The following ITSN2 variants were observed in gnomAD, a reference collection of about 807,000 sequenced individuals.
The protein encoded by ITSN2 is intersectin 2.
Under a neutral mutation model 243.7 loss-of-function variants are expected in ITSN2, and 156 were observed. The ratio of observed to expected loss-of-function variants is 0.64; its 90% CI spans 0.56 to 0.73. The LOEUF (loss-of-function observed/expected upper bound fraction) is 0.73, where lower values mean the gene tolerates loss of function less well. Among genes scored for constraint, ITSN2 ranks in the 30% least tolerant of loss-of-function variants. ITSN2 has a pLI of 0.00. For missense variants in ITSN2, 1,801 were observed against 1,996.1 expected (o/e 0.90, Z 1.86); for synonymous variants, 703 against 699.9 (o/e 1.00, Z -0.07).
At position 24,204,396 on chromosome 2, in the gene ITSN2, T is replaced by C; in HGVS notation, c.4785A>G (p.Glu1595=). 3 of 1,614,014 alleles carry C rather than the reference T, an allele frequency of 1.9e-6. No individual in the cohort carries two copies. The highest frequency in any genetic ancestry group is 2.5e-6 in the Non-Finnish European group (3 of 1,179,966). ...KPNGKSNPYC[E]ISMGSQSYTT... Reference sequence around the variant, plus strand: ...TGTAGCTCTGGGAGCCCATGCTGATTTCACAGTATGGGTTGCTCTTTCCTG... The same window carrying C: ...TGTAGCTCTGGGAGCCCATGCTGATCTCACAGTATGGGTTGCTCTTTCCTG... The change falls in exon 39 of 40, where the codon GAA becomes GAG. Residue 1595 remains glutamate, a synonymous_variant. Coordinates refer to ENST00000355123, the MANE Select transcript of ITSN2 (RefSeq NM_006277.3). This position sits in a 1 kb window ranked among gnomAD's most constrained non-coding sequence, Gnocchi z 5.1.
intron 1 of ITSN2, chr2:24,334,537 G>A: frequency 3.5e-6 from 3 of 848,954 alleles, no homozygotes; most frequent in Non-Finnish European, 5.9e-6. Flanking sequence ...AAAACCCGCA[G>A]GACTTTCTGT....
intron 14 of ITSN2, among the ~76,000 whole-genome samples, chr2:24,294,758 T>C (rs138944618): frequency 2.6e-5 from 4 of 152,314 alleles, no homozygotes; most frequent in East Asian, 3.9e-4. Context: ...ATGTATGATA[T>C]GGTCTGAATG....
At chr2:24,286,486 G>C in intron 15 of ITSN2, 135 bp from the exon 16 acceptor site, 2 of 621,130 alleles carry the variant, frequency 3.2e-6, no homozygotes, top group East Asian at 3.0e-5. Flanking sequence ...ACCAGTACAA[G>C]AGAAAACATT....
intron 29 of ITSN2, among the ~76,000 whole-genome samples, chr2:24,229,221 T>A (rs888586090): frequency 6.6e-6 from 1 of 152,206 alleles, no homozygotes; most frequent in Non-Finnish European, 1.5e-5. Context: ...TTAATGAGAA[T>A]ATGAAAGATT....
intron 31 of ITSN2, among the ~76,000 whole-genome samples, chr2:24,216,740 G>C (rs962863904): frequency 2.6e-5 from 4 of 152,158 alleles, no homozygotes; most frequent in African/African-American, 9.6e-5. Context: ...TTGGGTGACA[G>C]AGTGAGACCT....
At chr2:24,262,131 T>C (rs1341994419) in intron 20 of ITSN2, among the ~76,000 whole-genome samples, 1 of 152,196 alleles carries the variant, frequency 6.6e-6, no homozygotes, top group Non-Finnish European at 1.5e-5. Context: ...CTTGAATTTT[T>C]TCAATTTTAG....
At position 24,301,228 on chromosome 2, in the gene ITSN2, T is replaced by C; in HGVS notation, c.1007A>G (p.Gln336Arg). The C allele has an allele frequency of 6.2e-7, 1 of 1,605,714 alleles. No homozygotes were observed. The highest frequency in any genetic ancestry group is 8.5e-7 in the Non-Finnish European group (1 of 1,174,712). The change falls in exon 11 of 40, where the codon CAA becomes CGA. Residue 336 changes from glutamine to arginine, a missense_variant. Around this residue, in one of 5 missense-constraint regions of ITSN2, gnomAD observed 787 missense variants for 803.9 expected, o/e 0.98. Coordinates refer to ENST00000355123, the MANE Select transcript of ITSN2 (RefSeq NM_006277.3). Reference sequence around the variant, plus strand: ...CAGAGTTCCATTAATGGAATCAATTTGCTTTCCTCCTCTAAAAAAATCAAA... The same window carrying C: ...CAGAGTTCCATTAATGGAATCAATTCGCTTTCCTCCTCTAAAAAAATCAAA... Reference protein sequence around the residue: ...LVPPSFRGGKQIDSINGTLPS... With the variant: ...LVPPSFRGGKRIDSINGTLPS...
At chr2:24,220,287 A>G (rs1670321337) in intron 30 of ITSN2, 5 of 980,916 alleles carry the variant, frequency 5.1e-6, no homozygotes, top group Non-Finnish European at 6.1e-6. Context: ...GGGCCTGTAC[A>G]CTGGGAACTG....
At chr2:24,226,962 A>G (rs930726147) in intron 29 of ITSN2, among the ~76,000 whole-genome samples, 1 of 152,118 alleles carries the variant, frequency 6.6e-6, no homozygotes, top group African/African-American at 2.4e-5. Flanking sequence ...TTAAAAATAC[A>G]AAAATTAGCC....
intron 2 of ITSN2, among the ~76,000 whole-genome samples, chr2:24,323,857 T>C (rs1453436156): frequency 6.6e-6 from 1 of 152,204 alleles, no homozygotes; most frequent in African/African-American, 2.4e-5. Flanking sequence ...CAAATCTTTC[T>C]CAGGGAATAG....
intron 1 of ITSN2, among the ~76,000 whole-genome samples, chr2:24,357,959 G>A (rs1207204016): frequency 6.6e-6 from 1 of 151,914 alleles, no homozygotes; most frequent in African/African-American, 2.4e-5. Flanking sequence ...CTGTCGCCTA[G>A]GCTGGAGTGC....
intron 13 of ITSN2, among the ~76,000 whole-genome samples, chr2:24,297,869 T>C (rs576140030): frequency 6.6e-6 from 1 of 152,378 alleles, no homozygotes; most frequent in Admixed American, 6.5e-5. Flanking sequence ...TCTCAGCATT[T>C]TGAGTCATTA....
chr2:24,356,857 C>T (rs778966326), intron 1 of ITSN2, among the ~76,000 whole-genome samples: 1 of 151,292 alleles, frequency 6.6e-6, no homozygotes, highest in Non-Finnish European at 1.5e-5. Flanking sequence ...GAGTTGGGAT[C>T]GCGCCATTGC....
chr2:24,272,196 T>TC (rs1386892073), intron 18 of ITSN2, among the ~76,000 whole-genome samples: 1 of 151,592 alleles, frequency 6.6e-6, no homozygotes, highest in African/African-American at 2.4e-5. Context: ...ACCCAAAAAT[T>TC]CCCTCCTGCT....
At chr2:24,351,523 T>C (rs533158113) in intron 1 of ITSN2, among the ~76,000 whole-genome samples, 18 of 152,358 alleles carry the variant, frequency 1.2e-4, no homozygotes, top group African/African-American at 4.1e-4. Flanking sequence ...GTGGATACAG[T>C]AGACCCCCTT....
At chr2:24,316,050 C>A (rs1201123144) in intron 2 of ITSN2, among the ~76,000 whole-genome samples, 1 of 151,948 alleles carries the variant, frequency 6.6e-6, no homozygotes. Flanking sequence ...AATTTTGCCA[C>A]GTGAAGAGGA....
intron 2 of ITSN2, among the ~76,000 whole-genome samples, chr2:24,322,251 G>A (rs115036485): frequency 0.017 from 2,658 of 152,232 alleles, 103 homozygotes; most frequent in African/African-American, 0.06. Context: ...AGTCTCATAA[G>A]AATCCCATGA....
chr2:24,242,408 T>A (rs1052321734), intron 29 of ITSN2, among the ~76,000 whole-genome samples: 1 of 152,088 alleles, frequency 6.6e-6, no homozygotes, highest in African/African-American at 2.4e-5. Context: ...AATCTATAAT[T>A]TAACTAGCTT....
At chr2:24,307,690 A>G (rs1282981798) in intron 8 of ITSN2, among the ~76,000 whole-genome samples, 1 of 152,170 alleles carries the variant, frequency 6.6e-6, no homozygotes. Flanking sequence ...TGCTTGTCCA[A>G]TCGATTCCAA....
Sources: gnomAD v4.1 joint callset for allele counts (sites outside exome capture counted in the v4.1 genomes callset) on GRCh38, gnomAD v4.1.1 for gene constraint, gnomAD v4.1.1 regional missense constraint, Gnocchi (gnomAD v3.1) non-coding constraint, MANE v1.5 for transcripts, NCBI Gene and HGNC (gene_info 2026-07-23, HGNC 2026-07-21) for gene names.